UBA6: variants seen among roughly 807,000 people sequenced by gnomAD.
The protein encoded by UBA6 is ubiquitin like modifier activating enzyme 6.
In UBA6, 87 loss-of-function variants were observed where a neutral mutation model predicts 148.3. That is an observed-to-expected ratio of 0.59 (90% CI 0.49 to 0.70). The LOEUF is 0.70. UBA6 is among the 30% of genes least tolerant of loss of function. The probability of loss-of-function intolerance (pLI) is 0.00; values close to 1 mark genes in which losing one functional copy is unlikely to be tolerated. For synonymous variants in UBA6, 376 were observed against 401.0 expected (o/e 0.94, Z 0.75); for missense variants, 1,186 against 1,241.2 (o/e 0.96, Z 0.67).
intron 32 of UBA6, among the ~76,000 whole-genome samples, chr4:67,620,345 T>C (rs1441143535): frequency 1.3e-5 from 2 of 152,228 alleles, no homozygotes; most frequent in African/African-American, 4.8e-5. Flanking sequence ...GAATAATCCT[T>C]CTTCAAAGGT....
intron 2 of UBA6, among the ~76,000 whole-genome samples, chr4:67,683,932 A>C (rs1730500207): frequency 6.6e-6 from 1 of 152,064 alleles, no homozygotes; most frequent in Non-Finnish European, 1.5e-5. Flanking sequence ...AATTAGCAGG[A>C]TGAGGTGGTG....
intron 2 of UBA6, 42 bp from the exon 3 acceptor site, chr4:67,682,255 G>T: frequency 6.9e-7 from 1 of 1,458,168 alleles, no homozygotes; most frequent in Non-Finnish European, 9.6e-7. Context: ...TTATTTCACT[G>T]AAATTATAAT....
chr4:67,646,643 A>T, intron 15 of UBA6, 81 bp downstream of exon 15: 1 of 982,280 alleles, frequency 1.0e-6, no homozygotes, highest in Non-Finnish European at 1.6e-6. Context: ...GAGAAAAGAC[A>T]CATAAAACAA....
intron 16 of UBA6, 40 bp from the exon 17 acceptor site, chr4:67,644,818 C>G (rs566416262): frequency 3.0e-6 from 3 of 994,528 alleles, no homozygotes; most frequent in Non-Finnish European, 3.1e-6. Context: ...ATTAAAATAA[C>G]CTATCTGTGA....
chr4:67,634,713 C>A (rs1257392933), intron 20 of UBA6, among the ~76,000 whole-genome samples, 195 bp from the exon 21 acceptor site: 1 of 152,052 alleles, frequency 6.6e-6, no homozygotes, highest in Non-Finnish European at 1.5e-5. Flanking sequence ...TTGTTAATAG[C>A]TATGTAATGC....
At chr4:67,645,760 A>G (rs1028539842) in intron 16 of UBA6, among the ~76,000 whole-genome samples, 178 bp downstream of exon 16, 3 of 152,204 alleles carry the variant, frequency 2.0e-5, no homozygotes, top group African/African-American at 4.8e-5. Context: ...AGAGGATGGA[A>G]AACTTTTTCT....
At chr4:67,682,655 G>A (rs949406126) in intron 2 of UBA6, among the ~76,000 whole-genome samples, 1 of 152,156 alleles carries the variant, frequency 6.6e-6, no homozygotes. Context: ...GAGTTCAGAT[G>A]TTATATAAAG....
intron 4 of UBA6, among the ~76,000 whole-genome samples, chr4:67,680,713 T>C (rs1250434226): frequency 2.0e-5 from 3 of 152,206 alleles, no homozygotes; most frequent in African/African-American, 4.8e-5. Flanking sequence ...ACCTTGAGTG[T>C]GGCCTGGACC....
At chr4:67,663,997 G>A (rs1326503494) in intron 10 of UBA6, 50 bp from the exon 11 acceptor site, 12 of 1,435,420 alleles carry the variant, frequency 8.4e-6, no homozygotes, top group Non-Finnish European at 1.2e-5. Context: ...GTGATTATTT[G>A]ACAAAATATA....
chr4:67,663,283 T>C, intron 11 of UBA6, 68 bp from the exon 12 acceptor site: 2 of 994,352 alleles, frequency 2.0e-6, no homozygotes, highest in Non-Finnish European at 3.1e-6. Flanking sequence ...CTGGGCTAAA[T>C]ACTTTTAAAA....
Position 67,637,066 on chromosome 4 carries a change from C to T in UBA6, c.1737-1508G>A, listed in dbSNP as rs577960685. ...GCGACCCTGTCTGGGAGGTGAGGAG[C>T]GTCTCTGCCCTGCCGCCCCGTCTGA... On this transcript the variant is annotated intron_variant, in intron 19 of 32. Coordinates refer to ENST00000322244, the MANE Select transcript of UBA6 (RefSeq NM_018227.6). Among the ~76,000 whole-genome samples, 234 of 148,936 alleles carry T rather than the reference C, an allele frequency of 1.6e-3. 2 individuals carry two copies. Among genetic ancestry groups the T allele is most frequent in the African/African-American group, 5.2e-3 (210 of 40,380 alleles).
chr4:67,671,574 G>T (rs1286604481), intron 7 of UBA6, among the ~76,000 whole-genome samples: 1 of 151,756 alleles, frequency 6.6e-6, no homozygotes, highest in Non-Finnish European at 1.5e-5. Flanking sequence ...TTGTAATACT[G>T]CTGTGCCCTA....
intron 13 of UBA6, among the ~76,000 whole-genome samples, chr4:67,651,413 G>A (rs1729551610): frequency 6.6e-6 from 1 of 152,056 alleles, no homozygotes; most frequent in South Asian, 2.1e-4. Flanking sequence ...GATATAACCT[G>A]GTAAAACTAT....
At chr4:67,677,230 T>C (rs1387800061) in intron 6 of UBA6, among the ~76,000 whole-genome samples, 1 of 152,204 alleles carries the variant, frequency 6.6e-6, no homozygotes, top group East Asian at 1.9e-4. Flanking sequence ...GGTAGCCTCC[T>C]GGTCCCAGAA....
intron 2 of UBA6, among the ~76,000 whole-genome samples, chr4:67,688,544 G>A (rs1391391551): frequency 1.3e-5 from 2 of 151,952 alleles, no homozygotes; most frequent in African/African-American, 2.4e-5. Context: ...TTGAGAGAGA[G>A]AACTCAGAAT....
At chr4:67,656,305 A>G (rs1461422768) in intron 13 of UBA6, among the ~76,000 whole-genome samples, 1 of 152,248 alleles carries the variant, frequency 6.6e-6, no homozygotes, top group Admixed American at 6.5e-5. Flanking sequence ...AACTGAATCC[A>G]GCAGCACATC....
chr4:67,644,601 CA>C (rs538607026), intron 17 of UBA6, 96 bp downstream of exon 17: 62 of 689,444 alleles, frequency 9.0e-5, no homozygotes, highest in Non-Finnish European at 1.5e-4. Flanking sequence ...GCTCTATTTT[CA>C]AAAAACTGAT....
intron 26 of UBA6, 59 bp downstream of exon 26, chr4:67,630,407 C>T (rs1728969884): frequency 1.9e-6 from 2 of 1,029,326 alleles, no homozygotes; most frequent in Non-Finnish European, 2.9e-6. Context: ...ATTAGTGCAT[C>T]AGTCATCTAA....
At chr4:67,628,499 A>T (rs945281902) in intron 27 of UBA6, among the ~76,000 whole-genome samples, 1 of 150,166 alleles carries the variant, frequency 6.7e-6, no homozygotes, top group African/African-American at 2.5e-5. Context: ...CCTCACTTCC[A>T]TCCCATATAA....
Sources: gnomAD v4.1 joint callset for allele counts (sites outside exome capture counted in the v4.1 genomes callset) on GRCh38, gnomAD v4.1.1 for gene constraint, MANE v1.5 for transcripts, NCBI Gene and HGNC (gene_info 2026-07-23, HGNC 2026-07-21) for gene names.